Variants in ARFIP1 observed in about 807,000 individuals in gnomAD.
ARFIP1 encodes ARF interacting protein 1, also known as arfaptin-1.
ARFIP1 carries 24 observed loss-of-function variants against 42.5 expected under a neutral mutation model. The observed-to-expected ratio is 0.57, with a 90% CI of 0.41 to 0.80. The LOEUF is 0.80. Among genes scored for constraint, ARFIP1 ranks in the 30% least tolerant of loss-of-function variants. The probability of loss-of-function intolerance (pLI) is 0.00; values close to 1 mark genes in which losing one functional copy is unlikely to be tolerated. For missense variants in ARFIP1, 354 were observed against 434.0 expected (o/e 0.82, Z 1.64); for synonymous variants, 141 against 153.7 (o/e 0.92, Z 0.61).
chr4:152,863,552 A>G, intron 2 of ARFIP1, 54 bp from the exon 3 acceptor site: 1 of 985,994 alleles, frequency 1.0e-6, no homozygotes, highest in Non-Finnish European at 1.6e-6. Flanking sequence ...CTGAACTGTT[A>G]CGTCATGTGG....
intron 8 of ARFIP1, among the ~76,000 whole-genome samples, chr4:152,896,315 C>T (rs1438649603): frequency 6.6e-6 from 1 of 152,108 alleles, no homozygotes; most frequent in African/African-American, 2.4e-5. Context: ...TTCATTGCAG[C>T]ATCACTTGTT....
At chr4:152,875,363 G>GT (rs1429334638) in intron 5 of ARFIP1, among the ~76,000 whole-genome samples, 1 of 103,072 alleles carries the variant, frequency 9.7e-6, no homozygotes, top group Non-Finnish European at 1.9e-5. Context: ...GCTTTTTGAA[G>GT]TTTGTCTTTT....
At chr4:152,858,081 C>T (rs1733584451) in intron 2 of ARFIP1, among the ~76,000 whole-genome samples, 1 of 152,176 alleles carries the variant, frequency 6.6e-6, no homozygotes, top group Non-Finnish European at 1.5e-5. Flanking sequence ...CACTTGAGTT[C>T]ATGAGTTTGA....
intron 1 of ARFIP1, among the ~76,000 whole-genome samples, chr4:152,808,082 G>A (rs1009316560): frequency 6.6e-6 from 1 of 152,060 alleles, no homozygotes; most frequent in African/African-American, 2.4e-5. Context: ...CCAGGTTCAA[G>A]TGATTCTCCT....
At chr4:152,876,272 G>A (rs1735322250) in intron 5 of ARFIP1, among the ~76,000 whole-genome samples, 1 of 152,216 alleles carries the variant, frequency 6.6e-6, no homozygotes, top group South Asian at 2.1e-4. Context: ...TTTGTTAAAT[G>A]GCTCTGCCCA....
chr4:152,825,722 A>C (rs1249309672), intron 1 of ARFIP1, among the ~76,000 whole-genome samples: 1 of 152,244 alleles, frequency 6.6e-6, no homozygotes, highest in African/African-American at 2.4e-5. Context: ...TGCACAGCAA[A>C]AGAAATAATC....
At chr4:152,898,198 G>A (rs987763421) in intron 8 of ARFIP1, among the ~76,000 whole-genome samples, 1 of 151,872 alleles carries the variant, frequency 6.6e-6, no homozygotes, top group African/African-American at 2.4e-5. Flanking sequence ...TGGCCAGGCT[G>A]GTCTTGAACT....
intron 1 of ARFIP1, among the ~76,000 whole-genome samples, chr4:152,826,935 G>C (rs1730885747): frequency 2.0e-5 from 3 of 152,162 alleles, no homozygotes. Flanking sequence ...ATCACGAAAA[G>C]ATAAATACTG....
rs28515550 is a variant in ARFIP1, at chr4:152,804,302, A to T, written c.-10+24076A>T. On this transcript the variant is annotated intron_variant, in intron 1 of 8. Coordinates refer to ENST00000353617, the MANE Select transcript of ARFIP1 (RefSeq NM_001025595.3). ...TAACATAACATGTATTATATATATT[A>T]TATATATATAACATAACATGTATTA... 3.8e-3 allele frequency among the ~76,000 whole-genome samples: 90 copies of T among 23,542 alleles called. 11 individuals are homozygous for T. The highest frequency in any genetic ancestry group is 0.018 in the African/African-American group (76 of 4,112). 15.4% of individuals were successfully genotyped at this position (23,542 alleles called of 152,430 possible).
At chr4:152,804,030 T>C (rs1728644308) in intron 1 of ARFIP1, among the ~76,000 whole-genome samples, 1 of 132,992 alleles carries the variant, frequency 7.5e-6, no homozygotes, top group African/African-American at 2.8e-5. Context: ...ATATATAATA[T>C]AACGTAATAT....
intron 7 of ARFIP1, among the ~76,000 whole-genome samples, chr4:152,887,319 A>G (rs1736344782): frequency 6.6e-6 from 1 of 152,026 alleles, no homozygotes; most frequent in South Asian, 2.1e-4. Flanking sequence ...CATCTTACAG[A>G]ACACAGGATG....
chr4:152,797,591 C>T (rs1023191415), intron 1 of ARFIP1, among the ~76,000 whole-genome samples: 1 of 152,138 alleles, frequency 6.6e-6, no homozygotes, highest in Non-Finnish European at 1.5e-5. Flanking sequence ...ATGGGGATAT[C>T]TTTCTCTTTG....
intron 8 of ARFIP1, among the ~76,000 whole-genome samples, chr4:152,907,622 C>G (rs1738477406): frequency 6.6e-6 from 1 of 152,108 alleles, no homozygotes; most frequent in Non-Finnish European, 1.5e-5. Flanking sequence ...AGTTTGAACT[C>G]TATGTAAGTG....
At chr4:152,875,302 A>G (rs528592451) in intron 5 of ARFIP1, among the ~76,000 whole-genome samples, 45 of 148,506 alleles carry the variant, frequency 3.0e-4, no homozygotes, top group South Asian at 8.5e-4. Context: ...ATAATAAACT[A>G]TGGTTTACTT....
chr4:152,885,972 A>G (rs746257121), intron 7 of ARFIP1, among the ~76,000 whole-genome samples: 3 of 152,008 alleles, frequency 2.0e-5, no homozygotes, highest in Non-Finnish European at 4.4e-5. Context: ...AAACTGGAGC[A>G]CAAAGAGATG....
chr4:152,825,261 G>A (rs773566269), intron 1 of ARFIP1, among the ~76,000 whole-genome samples: 10 of 151,906 alleles, frequency 6.6e-5, no homozygotes, highest in Non-Finnish European at 1.5e-4. Context: ...CTAAGCAAAA[G>A]GAATAAATCT....
At chr4:152,785,096 C>T (rs978023545) in intron 1 of ARFIP1, among the ~76,000 whole-genome samples, 4 of 152,186 alleles carry the variant, frequency 2.6e-5, no homozygotes, top group Non-Finnish European at 5.9e-5. Flanking sequence ...GAGCCAGGCC[C>T]TCCTTGGTTC....
rs139777476 is a variant in ARFIP1 at position 152,788,365 on chromosome 4, C to T, written c.-10+8139C>T. 4.4e-4 allele frequency among the ~76,000 whole-genome samples: 67 copies of T among 152,218 alleles called. 1 individual carries two copies. Among genetic ancestry groups the T allele is most frequent in the African/African-American group, 1.5e-3 (64 of 41,524 alleles). On this transcript the variant is annotated intron_variant, in intron 1 of 8. Coordinates refer to ENST00000353617, the MANE Select transcript of ARFIP1 (RefSeq NM_001025595.3). ...GAATTACTGTGAAGATAGAATAGAG[C>T]TTCCCATACCCACTTTCCCCTATTA...
intron 1 of ARFIP1, among the ~76,000 whole-genome samples, chr4:152,813,817 ATAAAT>A (rs1195792831): frequency 6.6e-6 from 1 of 152,198 alleles, no homozygotes; most frequent in Non-Finnish European, 1.5e-5. Flanking sequence ...TGGATTATAA[ATAAAT>A]TAAGAGGAAA....
Sources: allele counts gnomAD v4.1 joint callset (sites outside exome capture counted in the v4.1 genomes callset), GRCh38; gene constraint gnomAD v4.1.1; transcripts MANE v1.5; gene names NCBI Gene and HGNC (gene_info 2026-07-23, HGNC 2026-07-21).